The following SEPTIN10 variants were observed in gnomAD, a reference collection of about 807,000 sequenced individuals.
The protein encoded by SEPTIN10 is septin 10.
In SEPTIN10, 66 loss-of-function variants were observed where a neutral mutation model predicts 54.8. The observed-to-expected ratio is 1.21, with a 90% CI of 0.99 to 1.48. The LOEUF is 1.48. Among genes scored for constraint, SEPTIN10 ranks in the 40% most tolerant of loss-of-function variants. The probability of loss-of-function intolerance (pLI) is 0.00; values close to 1 mark genes in which losing one functional copy is unlikely to be tolerated. For synonymous variants in SEPTIN10, 161 were observed against 181.0 expected (o/e 0.89, Z 0.89); for missense variants, 620 against 545.6 (o/e 1.14, Z -1.36).
intron 2 of SEPTIN10, among the ~76,000 whole-genome samples, chr2:109,590,704 C>T (rs1297089242): frequency 6.6e-6 from 1 of 152,304 alleles, no homozygotes; most frequent in Admixed American, 6.5e-5. Flanking sequence ...GCTAGGATTA[C>T]AGGTGTGAGC....
At chr2:109,552,984 A>C (rs924124900) in intron 9 of SEPTIN10, 103 bp downstream of exon 9, 2 of 1,290,822 alleles carry the variant, frequency 1.5e-6, no homozygotes, top group Non-Finnish European at 2.1e-6. Context: ...TTAAAGAACA[A>C]GTAGCCTACA....
chr2:109,563,264 T>C (rs1041388675), intron 8 of SEPTIN10, among the ~76,000 whole-genome samples: 4 of 152,136 alleles, frequency 2.6e-5, no homozygotes, highest in South Asian at 4.1e-4. Flanking sequence ...AAAACATTAA[T>C]TAACTCCATA....
At chr2:109,613,401 G>A (rs1241954678) in intron 1 of SEPTIN10, 11 of 327,280 alleles carry the variant, frequency 3.4e-5, no homozygotes, top group Non-Finnish European at 5.5e-5. Flanking sequence ...CCGGCGGCAG[G>A]GAGGCTCGGA....
intron 9 of SEPTIN10, among the ~76,000 whole-genome samples, chr2:109,549,069 T>C (rs1682143064): frequency 6.6e-6 from 1 of 152,196 alleles, no homozygotes; most frequent in Admixed American, 6.5e-5. Flanking sequence ...CTTATTTAAA[T>C]GGTTCCTGCT....
At chr2:109,548,395 AGAC>A (rs768126064) in intron 9 of SEPTIN10, among the ~76,000 whole-genome samples, 2 of 152,184 alleles carry the variant, frequency 1.3e-5, no homozygotes, top group African/African-American at 2.4e-5. Context: ...GTCTAGAAAA[AGAC>A]GACATAGCTG....
At chr2:109,591,189 A>G (rs565153281) in intron 2 of SEPTIN10, among the ~76,000 whole-genome samples, 1 of 152,182 alleles carries the variant, frequency 6.6e-6, no homozygotes, top group Non-Finnish European at 1.5e-5. Context: ...CTTCCTCGTG[A>G]AAGTGTTCAA....
intron 7 of SEPTIN10, 62 bp downstream of exon 7, chr2:109,565,701 G>A (rs1686820773): frequency 2.2e-6 from 3 of 1,347,778 alleles, no homozygotes; most frequent in Admixed American, 3.4e-5. Context: ...AAGAAGGCAT[G>A]ACAGGTAGCT....
chr2:109,574,809 T>C, intron 4 of SEPTIN10, 42 bp from the exon 5 acceptor site: 1 of 1,390,920 alleles, frequency 7.2e-7, no homozygotes, highest in Non-Finnish European at 9.6e-7. Flanking sequence ...TTATTTGTGC[T>C]ACCTTAAGAT....
intron 1 of SEPTIN10, among the ~76,000 whole-genome samples, chr2:109,597,516 C>T (rs1036940054): frequency 1.3e-5 from 2 of 152,200 alleles, no homozygotes; most frequent in African/African-American, 2.4e-5. Flanking sequence ...TAGGTGACCA[C>T]AATCTCGTTT....
intron 9 of SEPTIN10, among the ~76,000 whole-genome samples, chr2:109,546,981 C>G (rs550757279): frequency 1.3e-5 from 2 of 152,168 alleles, no homozygotes; most frequent in African/African-American, 4.8e-5. Flanking sequence ...GCAGCAGATA[C>G]AGGAAAGCTC....
intron 4 of SEPTIN10, among the ~76,000 whole-genome samples, chr2:109,580,181 C>CAA (rs79534028): frequency 4.5e-4 from 67 of 147,924 alleles, no homozygotes; most frequent in African/African-American, 1.6e-3. Flanking sequence ...AACACAGATG[C>CAA]AAAAAAAAAC....
At chr2:109,609,757 A>C (rs1698834831) in intron 1 of SEPTIN10, among the ~76,000 whole-genome samples, 1 of 152,222 alleles carries the variant, frequency 6.6e-6, no homozygotes, top group South Asian at 2.1e-4. Context: ...AAAAGTTCAG[A>C]AGCATTGTAG....
intron 4 of SEPTIN10, among the ~76,000 whole-genome samples, chr2:109,576,394 C>T (rs1386173302): frequency 6.6e-6 from 1 of 151,718 alleles, no homozygotes. Context: ...CCACCACACC[C>T]GGCCTCAAAA....
intron 5 of SEPTIN10, among the ~76,000 whole-genome samples, chr2:109,570,351 A>C (rs377162585): frequency 5.9e-5 from 9 of 152,280 alleles, no homozygotes; most frequent in African/African-American, 2.2e-4. Context: ...AATGCTCATT[A>C]ATGTCTTTAC....
intron 6 of SEPTIN10, among the ~76,000 whole-genome samples, chr2:109,566,621 A>C (rs1687104917): frequency 6.6e-6 from 1 of 152,152 alleles, no homozygotes; most frequent in African/African-American, 2.4e-5. Flanking sequence ...ACAAAGTCCC[A>C]AATTAATGTC....
chr2:109,590,779 A>G (rs541761887), intron 2 of SEPTIN10, among the ~76,000 whole-genome samples: 4 of 152,264 alleles, frequency 2.6e-5, no homozygotes, highest in Non-Finnish European at 5.9e-5. Context: ...AAAGACATGA[A>G]GCATGAAGAG....
chr2:109,593,168 C>G, intron 1 of SEPTIN10, 49 bp from the exon 2 acceptor site: 2 of 1,250,298 alleles, frequency 1.6e-6, no homozygotes, highest in Non-Finnish European at 2.3e-6. Context: ...CATTACTCCC[C>G]AAACCCCATT....
intron 4 of SEPTIN10, among the ~76,000 whole-genome samples, chr2:109,579,012 T>G (rs571474522): frequency 2.0e-5 from 3 of 152,110 alleles, no homozygotes; most frequent in Non-Finnish European, 2.9e-5. Flanking sequence ...TTGAAAAGAT[T>G]AAATAAATTG....
chr2:109,592,327 T>C (rs966047221), intron 2 of SEPTIN10, among the ~76,000 whole-genome samples: 3 of 151,796 alleles, frequency 2.0e-5, no homozygotes, highest in African/African-American at 7.2e-5. Flanking sequence ...TAGCCAGGTG[T>C]GGTGGCACAC....
Sources: gnomAD v4.1 joint callset for allele counts (sites outside exome capture counted in the v4.1 genomes callset) on GRCh38, gnomAD v4.1.1 for gene constraint, MANE v1.5 for transcripts, NCBI Gene and HGNC (gene_info 2026-07-23, HGNC 2026-07-21) for gene names.